LARGE1: variants seen among roughly 807,000 people sequenced by gnomAD.
The protein encoded by LARGE1 is xylosyl- and glucuronyltransferase LARGE1.
LARGE1 carries 43 observed loss-of-function variants against 87.6 expected under a neutral mutation model. That is an observed-to-expected ratio of 0.49 (90% CI 0.38 to 0.63). The LOEUF (loss-of-function observed/expected upper bound fraction) is 0.63, where lower values mean the gene tolerates loss of function less well. Ranked by LOEUF, LARGE1 falls within the 30% of genes least tolerant of loss-of-function variation. The pLI, the probability that LARGE1 is intolerant of heterozygous loss-of-function variation, is 0.00. For synonymous variants in LARGE1, 434 were observed against 394.6 expected (o/e 1.10, Z -1.18); for missense variants, 802 against 1,000.2 (o/e 0.80, Z 2.67).
intron 5 of LARGE1, among the ~76,000 whole-genome samples, chr22:33,596,523 C>T (rs7349031): frequency 2.6e-4 from 40 of 152,104 alleles, no homozygotes; most frequent in Non-Finnish European, 4.9e-4. Context: ...TTTTCCAGAC[C>T]TGCGCATAAT....
intron 9 of LARGE1, among the ~76,000 whole-genome samples, chr22:33,348,323 T>C (rs1177883049): frequency 1.6e-5 from 2 of 123,008 alleles, no homozygotes; most frequent in African/African-American, 6.2e-5. Context: ...TCAAGAGTGC[T>C]GTTGGGCAGG....
rs758924905 is a variant in LARGE1, at chr22:33,382,036, G to A, written c.1014C>T (p.Phe338=). ...LSTSLADQDI[F]NAVIKQNPFL... ...AGGGGTTTTGTTTGATGACGGCATT[G>A]AAAATATCCTGGGGGATGAAAGCCA... The change falls in exon 9 of 15, where the codon TTC becomes TTT. Residue 338 remains phenylalanine (F), a synonymous_variant. Coordinates refer to ENST00000397394, the MANE Select transcript of LARGE1 (RefSeq NM_133642.5). 2 of 1,614,122 alleles carry A rather than the reference G, an allele frequency of 1.2e-6. No homozygotes were observed. Among genetic ancestry groups the A allele is most frequent in the South Asian group, 1.1e-5 (1 of 91,070 alleles).
chr22:33,130,313 CAAAA>C, the LARGE1 span, among the ~76,000 whole-genome samples: 41 of 57,000 alleles, frequency 7.2e-4, no homozygotes, highest in African/African-American at 3.1e-3. Flanking sequence ...GATTCCGTCT[CAAAA>C]AAAAAAAAAA....
chr22:33,093,877 G>C, the LARGE1 span, among the ~76,000 whole-genome samples: 2 of 138,602 alleles, frequency 1.4e-5, no homozygotes, highest in Non-Finnish European at 3.0e-5. Flanking sequence ...TCCCAGGCTG[G>C]AGTGCAATGG....
Position 33,650,510 on chromosome 22 carries a change from G to A in LARGE1, c.265C>T (p.Arg89Ter), listed in dbSNP as rs1359437833. 4 of 1,613,066 alleles carry A rather than the reference G, an allele frequency of 2.5e-6. No homozygotes were observed. The highest frequency in any genetic ancestry group is 3.3e-5 in the Admixed American group (2 of 60,022). ...LRRQLSLAQG[R>*]APSHRRGNHS... is the part of the protein sequence containing the mutation. ...TTGCCTCGGCGATGGGATGGGGCTC[G>A]GCCCTGGGCCAGGCTGAGCTGCCTG... Residue 89 changes from arginine to a stop codon, truncating the protein, a stop_gained, in exon 3 of 15, where the codon CGA (arginine) becomes TGA (stop). Transcript: ENST00000397394. LOFTEE classifies it high-confidence loss of function.
chr22:33,888,499 C>T (rs551076765), intron 1 of LARGE1, among the ~76,000 whole-genome samples: 1 of 152,152 alleles, frequency 6.6e-6, no homozygotes, highest in Admixed American at 6.5e-5. Context: ...ATTTGTATCA[C>T]ACACGGGGGA....
chr22:33,364,857 G>T (rs554952732), intron 9 of LARGE1, among the ~76,000 whole-genome samples: 1 of 150,274 alleles, frequency 6.7e-6, no homozygotes, highest in Admixed American at 6.6e-5. Context: ...CCACCATGCC[G>T]GCTAATTTTT....
intron 6 of LARGE1, among the ~76,000 whole-genome samples, chr22:33,463,759 G>A (rs796251849): frequency 3.3e-5 from 5 of 152,168 alleles, no homozygotes; most frequent in African/African-American, 1.2e-4. Context: ...CATAACCTCC[G>A]CCTCCCAGGT....
At chr22:33,228,846 G>A (rs758956576) in intron 11 of LARGE1, among the ~76,000 whole-genome samples, 10 of 152,050 alleles carry the variant, frequency 6.6e-5, no homozygotes, top group Non-Finnish European at 1.2e-4. Context: ...AGGTGAGAGG[G>A]TGGAGAGATA....
intron 7 of LARGE1, among the ~76,000 whole-genome samples, chr22:33,409,664 A>G (rs1380528642): frequency 6.6e-6 from 1 of 152,082 alleles, no homozygotes; most frequent in Non-Finnish European, 1.5e-5. Flanking sequence ...GATTGAGACT[A>G]TCCTGGCTAA....
chr22:33,637,757 CTGA>C (rs2080311319), intron 3 of LARGE1, among the ~76,000 whole-genome samples: 1 of 152,192 alleles, frequency 6.6e-6, no homozygotes, highest in African/African-American at 2.4e-5. Flanking sequence ...ACTGCAACCC[CTGA>C]TGTCATCTTA....
intron 9 of LARGE1, among the ~76,000 whole-genome samples, chr22:33,343,275 T>G (rs972821991): frequency 6.6e-6 from 1 of 152,064 alleles, no homozygotes; most frequent in Non-Finnish European, 1.5e-5. Context: ...CACACCACCA[T>G]GTCCAGCTAA....
intron 7 of LARGE1, among the ~76,000 whole-genome samples, chr22:33,427,074 G>A (rs1422652200): frequency 2.0e-5 from 3 of 152,190 alleles, no homozygotes. Context: ...CGTCAGCTTA[G>A]GAACTGAAGA....
chr22:33,661,217 A>ATTTTT lies in LARGE1; in HGVS notation c.107-10554_107-10550dup, dbSNP rs11356402. On this transcript the variant is annotated intron_variant, in intron 2 of 14. Coordinates refer to ENST00000397394, the MANE Select transcript of LARGE1 (RefSeq NM_133642.5). Reference sequence around the variant, plus strand: ...ATTTATTACCAAAAAAGGTTCTATGATTTTTTTTTTTTTTTTGAGCCAGGG... The same window carrying ATTTTT: ...ATTTATTACCAAAAAAGGTTCTATGATTTTTTTTTTTTTTTTTTTTTGAGCCAGGG... Among the ~76,000 whole-genome samples the ATTTTT allele has an allele frequency of 5.2e-3, 738 of 142,074 alleles. 11 individuals carry two copies. The highest frequency in any genetic ancestry group is 0.018 in the African/African-American group (706 of 38,254). 93.2% of individuals were successfully genotyped at this position (142,074 alleles called of 152,430 possible).
rs76449625 is a variant in LARGE1 at position 33,402,724 on chromosome 22, T to C, written c.893-18420A>G. Among the ~76,000 whole-genome samples, 24 of 152,330 alleles carry C rather than the reference T, an allele frequency of 1.6e-4. 1 individual carries two copies. The East Asian group carries it at 4.6e-3, about 29-fold the overall frequency. ...TAATTAAATAAGGGACTATTGTTAT[T>C]ACCTGGGGTATATTTTTAACCAAAC... On this transcript the variant is annotated intron_variant, in intron 7 of 14. Transcript: ENST00000397394.
At chr22:33,625,368 T>C (rs8140891) in intron 4 of LARGE1, among the ~76,000 whole-genome samples, 7,315 of 152,190 alleles carry the variant, frequency 0.048, 574 homozygotes, top group African/African-American at 0.17. Flanking sequence ...AAGTGTCACA[T>C]GGAGAAGAGA....
chr22:33,806,178 A>G (rs1306051141), intron 1 of LARGE1, among the ~76,000 whole-genome samples: 1 of 152,200 alleles, frequency 6.6e-6, no homozygotes, highest in Non-Finnish European at 1.5e-5. Flanking sequence ...TATCTTATGA[A>G]TGGGATCAAA....
chr22:33,193,680 T>C (rs569186880), intron 11 of LARGE1, among the ~76,000 whole-genome samples: 1 of 151,974 alleles, frequency 6.6e-6, no homozygotes, highest in East Asian at 1.9e-4. Flanking sequence ...CAGCTAGGTG[T>C]GGTGGTGCAT....
intron 7 of LARGE1, among the ~76,000 whole-genome samples, chr22:33,414,003 G>C (rs983452351): frequency 6.6e-6 from 1 of 152,142 alleles, no homozygotes; most frequent in African/African-American, 2.4e-5. Context: ...AATAAACATG[G>C]GGGTACAGAT....
Sources: gnomAD v4.1 joint callset for allele counts (sites outside exome capture counted in the v4.1 genomes callset) on GRCh38, gnomAD v4.1.1 for gene constraint, MANE v1.5 for transcripts, NCBI Gene and HGNC (gene_info 2026-07-23, HGNC 2026-07-21) for gene names.